Variants in WBP2 observed in about 807,000 individuals in gnomAD.
WBP2 encodes the protein WW domain-binding protein 2.
A neutral mutation model predicts 33.0 loss-of-function variants in WBP2; 23 were observed. That is an observed-to-expected ratio of 0.70 (90% CI 0.50 to 0.99). The LOEUF is 0.99. WBP2 is among the 50% of genes least tolerant of loss of function. The pLI, the probability that WBP2 is intolerant of heterozygous loss-of-function variation, is 0.00. For synonymous variants in WBP2, 153 were observed against 133.5 expected, an observed-to-expected ratio of 1.15 and a Z score of -1.01; for missense variants, 353 against 358.0, an observed-to-expected ratio of 0.99 and a Z score of 0.11.
chr17:75,851,956 T>G (rs1043507881), intron 1 of WBP2: 2 of 233,062 alleles, frequency 8.6e-6, no homozygotes, highest in Non-Finnish European at 1.8e-5. Context: ...ACAAAAAAAT[T>G]AGCCAGGCAC....
intron 2 of WBP2, among the ~76,000 whole-genome samples, chr17:75,850,721 G>C (rs1331276192): frequency 6.6e-6 from 1 of 151,750 alleles, no homozygotes; most frequent in East Asian, 1.9e-4. Context: ...TTTAGGCAGG[G>C]TCTCACTCTG....
intron 1 of WBP2, among the ~76,000 whole-genome samples, chr17:75,853,597 G>T (rs1245164869): frequency 1.3e-5 from 2 of 152,130 alleles, no homozygotes; most frequent in Non-Finnish European, 2.9e-5. Flanking sequence ...CCAGGCCTGG[G>T]AACTGACTCA....
intron 1 of WBP2, chr17:75,852,806 G>C: frequency 2.0e-6 from 2 of 985,100 alleles, no homozygotes; most frequent in Non-Finnish European, 2.4e-6. Flanking sequence ...GTTTTTGCTG[G>C]TTTGTTTTTC....
chr17:75,847,741 G>T (rs896273958), intron 5 of WBP2, 55 bp downstream of exon 5: 9 of 1,533,950 alleles, frequency 5.9e-6, no homozygotes, highest in Non-Finnish European at 8.0e-6. Flanking sequence ...GGCCTGGGGG[G>T]AGCCTGGGTA....
At position 75,855,282 on chromosome 17, in the gene WBP2, T is replaced by G; in HGVS notation, c.16A>C (p.Asn6His). The change falls in exon 1 of 8, where the codon AAT becomes CAT. Residue 6 changes from asparagine (N) to histidine (H), a missense_variant. Transcript: ENST00000254806. MALNK[N>H]HSEGGGVIVN... ...ATCACTCCGCCGCCCTCCGAGTGAT[T>G]CTTGTTGAGCGCCATAGTCTCTCCA... The G allele has an allele frequency of 6.2e-7, 1 of 1,612,716 alleles. No homozygotes were observed. The highest frequency in any genetic ancestry group is 8.5e-7 in the Non-Finnish European group (1 of 1,179,900).
Position 75,847,938 on chromosome 17 carries a change from TAC to T in WBP2, c.398-10_398-9del. On this transcript the variant is annotated splice_polypyrimidine_tract_variant and intron_variant, in intron 4 of 7. Transcript: ENST00000254806. ...GGACTTCACCTCTGGAGGCTACGAG[TAC>T]AAGGGGAAAGAGAAATGAGCGTGGC... is the stretch of plus-strand genomic sequence containing the variant. 6.4e-7 allele frequency: 1 copy of T among 1,562,978 alleles called. No individual in the cohort carries two copies. The highest frequency in any genetic ancestry group is 8.7e-7 in the Non-Finnish European group (1 of 1,153,894).
chr17:75,846,559 C>G lies in WBP2; in HGVS notation c.*175G>C, dbSNP rs1314039167. On this transcript the variant is annotated 3_prime_UTR_variant, in exon 8 of 8. Transcript: ENST00000254806. The surrounding 1 kb of genome is among the most constrained non-coding windows in gnomAD (Gnocchi z 4.8). ...CGGGCTGGCATGGGAAGCTGGGCGGCACCTCTCCCGAGGCCGGGGGCCCTA... is the reference window on the plus strand; with the variant it reads ...CGGGCTGGCATGGGAAGCTGGGCGGGACCTCTCCCGAGGCCGGGGGCCCTA... The G allele has an allele frequency of 1.2e-6, 1 of 820,264 alleles. No individual in the cohort carries two copies. Among genetic ancestry groups the G allele is most frequent in the East Asian group, 2.7e-5 (1 of 37,248 alleles). The allele number at this position is 820,264 out of a possible 1,614,324, so 50.8% of individuals were successfully genotyped here.
intron 2 of WBP2, among the ~76,000 whole-genome samples, chr17:75,850,164 A>G (rs887669719): frequency 3.9e-5 from 6 of 151,934 alleles, no homozygotes; most frequent in Non-Finnish European, 7.4e-5. Context: ...GCTAGCTCCC[A>G]TTGAGGGGGG....
At chr17:75,850,274 C>T (rs1269916179) in intron 2 of WBP2, among the ~76,000 whole-genome samples, 39 of 149,280 alleles carry the variant, frequency 2.6e-4, no homozygotes, top group Non-Finnish European at 5.0e-4. Context: ...GAGATGGAGT[C>T]TTACTCTGTT....
intron 3 of WBP2, chr17:75,848,950 G>C (rs545894839): frequency 2.2e-6 from 1 of 464,770 alleles, no homozygotes; most frequent in Non-Finnish European, 3.9e-6. Flanking sequence ...ATATGTACAC[G>C]GGTGCCAAGG....
At chr17:75,854,043 T>TAAAAAAA (rs55857053) in intron 1 of WBP2, among the ~76,000 whole-genome samples, 1 of 55,452 alleles carries the variant, frequency 1.8e-5, no homozygotes, top group Non-Finnish European at 3.5e-5. Context: ...AGCCTCCATC[T>TAAAAAAA]AAAAAAAAAA....
rs199620795 is a variant in WBP2 at position 75,849,644 on chromosome 17, A to C, written c.264T>G (p.Gly88=). The change falls in exon 3 of 8, where the codon GGT becomes GGG. Residue 88 remains glycine (G), a synonymous_variant. Transcript: ENST00000254806. ...KDCEIKQPVF[G]ANYIKGTVKA... ...TCACTGTTCCCTTGATGTAGTTTGC[A>C]CCAAATACGGGCTGCTTGATCTCAC... The C allele has an allele frequency of 6.2e-7, 1 of 1,614,034 alleles. No homozygotes were observed. Among genetic ancestry groups the C allele is most frequent in the African/African-American group, 1.3e-5 (1 of 74,920 alleles).
intron 6 of WBP2, 161 bp from the exon 7 acceptor site, chr17:75,847,145 G>T: frequency 2.6e-6 from 2 of 770,100 alleles, no homozygotes; most frequent in Non-Finnish European, 4.2e-6. Context: ...CCACGCGCTG[G>T]CACGGTCCTT....
At chr17:75,852,994 CATT>C (rs1293347560) in intron 1 of WBP2, among the ~76,000 whole-genome samples, 1 of 152,154 alleles carries the variant, frequency 6.6e-6, no homozygotes, top group Non-Finnish European at 1.5e-5. Context: ...CAGCTTTCAT[CATT>C]GTCAAAGGAG....
Position 75,846,563 on chromosome 17 carries a change from T to C in WBP2, c.*171A>G. ...CTGGCATGGGAAGCTGGGCGGCACC[T>C]CTCCCGAGGCCGGGGGCCCTAATGT... On this transcript the variant is annotated 3_prime_UTR_variant, in exon 8 of 8. Coordinates refer to ENST00000254806, the MANE Select transcript of WBP2 (RefSeq NM_012478.4). This position sits in a 1 kb window ranked among gnomAD's most constrained non-coding sequence, Gnocchi z 4.8. 3.5e-6 allele frequency: 3 copies of C among 861,254 alleles called. No homozygotes were observed. Among genetic ancestry groups the C allele is most frequent in the Non-Finnish European group, 5.6e-6 (3 of 535,506 alleles). 53.4% of individuals were successfully genotyped at this position (861,254 alleles called of 1,614,324 possible).
At chr17:75,855,186 C>G (rs2065050644) in intron 1 of WBP2, 53 bp downstream of exon 1, 6 of 1,563,148 alleles carry the variant, frequency 3.8e-6, no homozygotes, top group Non-Finnish European at 4.4e-6. Flanking sequence ...CCACCGCCCA[C>G]TTCCTCGACA....
chr17:75,848,245 G>A (rs539310577), intron 4 of WBP2: 6 of 581,612 alleles, frequency 1.0e-5, no homozygotes, highest in South Asian at 8.1e-5. Flanking sequence ...CCCATCCCTC[G>A]GTCATTTTCA....
upstream of WBP2, chr17:75,856,243 C>A (rs1254563736): frequency 6.6e-6 from 1 of 152,400 alleles, no homozygotes; most frequent in Middle Eastern, 3.2e-3. Flanking sequence ...CCTAACCGCC[C>A]CCCACCAAAC....
chr17:75,850,713 T>C (rs546553033), intron 2 of WBP2, among the ~76,000 whole-genome samples: 20 of 152,166 alleles, frequency 1.3e-4, no homozygotes, highest in Middle Eastern at 3.4e-3. Context: ...CTTTTTTTTT[T>C]AGGCAGGGTC....
Sources: allele counts gnomAD v4.1 joint callset (sites outside exome capture counted in the v4.1 genomes callset), GRCh38; gene constraint gnomAD v4.1.1; non-coding constraint Gnocchi (gnomAD v3.1); transcripts MANE v1.5; gene names NCBI Gene and HGNC (gene_info 2026-07-23, HGNC 2026-07-21).